Variants in ABCG1 observed in about 807,000 individuals in gnomAD.
ABCG1 encodes the protein ATP binding cassette subfamily G member 1, also known as ATP-binding cassette sub-family G member 1.
In ABCG1, 29 loss-of-function variants were observed where a neutral mutation model predicts 69.2. That is an observed-to-expected ratio of 0.42 (90% CI 0.31 to 0.57). The LOEUF is 0.57. Ranked by LOEUF, ABCG1 falls within the 20% of genes least tolerant of loss-of-function variation. The pLI, the probability that ABCG1 is intolerant of heterozygous loss-of-function variation, is 0.15. For synonymous variants in ABCG1, 370 were observed against 374.8 expected, an observed-to-expected ratio of 0.99 and a Z score of 0.15; for missense variants, 718 against 898.1, an observed-to-expected ratio of 0.80 and a Z score of 2.56.
intron 6 of ABCG1, among the ~76,000 whole-genome samples, chr21:42,283,657 C>A (rs998105682): frequency 7.6e-5 from 11 of 145,326 alleles, no homozygotes; most frequent in Admixed American, 3.0e-4. Flanking sequence ...GAAGTCCCCC[C>A]CCACCCAAAT....
chr21:42,274,286 C>G (rs181761143), intron 4 of ABCG1, among the ~76,000 whole-genome samples: 18 of 152,308 alleles, frequency 1.2e-4, no homozygotes, highest in Middle Eastern at 3.4e-3. Context: ...AGTAAGCCTC[C>G]CCACAGTATC....
At chr21:42,211,567 C>A (rs1334536098), upstream of ABCG1, among the ~76,000 whole-genome samples, 3 of 151,934 alleles carry the variant, frequency 2.0e-5, no homozygotes, top group Non-Finnish European at 4.4e-5. Context: ...ACCTAATACC[C>A]ATAGTGACAG....
chr21:42,259,949 G>T (rs1362889720), intron 2 of ABCG1: 14 of 1,485,392 alleles, frequency 9.4e-6, no homozygotes, highest in Non-Finnish European at 1.3e-5. Context: ...TTGGACGGTG[G>T]TGTTGGCTTG....
At chr21:42,202,371 C>T (rs1030393212) in intron 2 of ABCG1, among the ~76,000 whole-genome samples, 14 of 152,160 alleles carry the variant, frequency 9.2e-5, no homozygotes, top group Middle Eastern at 3.4e-3. Context: ...ATGTATCCAC[C>T]CACTTTTCCT....
chr21:42,248,580 C>T (rs533261015), intron 2 of ABCG1, among the ~76,000 whole-genome samples: 1 of 152,088 alleles, frequency 6.6e-6, no homozygotes, highest in African/African-American at 2.4e-5. Context: ...GACCCAAATG[C>T]TCATTGAAAG....
intron 3 of ABCG1, among the ~76,000 whole-genome samples, chr21:42,272,410 C>T (rs1337288502): frequency 6.6e-6 from 1 of 152,242 alleles, no homozygotes; most frequent in Non-Finnish European, 1.5e-5. Context: ...GCCAGTTGAC[C>T]CCAGCCTGTG....
intron 2 of ABCG1, among the ~76,000 whole-genome samples, chr21:42,250,022 G>T (rs1395003167): frequency 6.6e-6 from 1 of 151,242 alleles, no homozygotes; most frequent in South Asian, 2.1e-4. Context: ...AAAAAAAAGT[G>T]AGAGGGGGAT....
chr21:42,268,230 G>A (rs183829629), intron 2 of ABCG1, among the ~76,000 whole-genome samples: 114 of 152,306 alleles, frequency 7.5e-4, no homozygotes, highest in Middle Eastern at 6.8e-3. Context: ...GAAGTGGGCT[G>A]AGCAGAGCTC....
At chr21:42,280,652 C>T (rs889284461) in intron 5 of ABCG1, among the ~76,000 whole-genome samples, 2 of 152,232 alleles carry the variant, frequency 1.3e-5, no homozygotes, top group African/African-American at 4.8e-5. Context: ...GGGCCCAGCT[C>T]ATGGGCAGGG....
At chr21:42,260,256 C>T in intron 2 of ABCG1, 1 of 1,507,680 alleles carries the variant, frequency 6.6e-7, no homozygotes, top group Non-Finnish European at 8.9e-7. Flanking sequence ...ATTTCTAGGA[C>T]CCAGCTTCCA....
intron 1 of ABCG1, among the ~76,000 whole-genome samples, chr21:42,223,871 C>T (rs2123513732): frequency 6.6e-6 from 1 of 152,332 alleles, no homozygotes; most frequent in East Asian, 1.9e-4. Flanking sequence ...AAGAAAGAAG[C>T]ATCTGTCCCT....
At position 42,288,664 on chromosome 21, in the gene ABCG1, C is replaced by T. The variant is rs2068996142; in HGVS notation, c.1224+352C>T. Among the ~76,000 whole-genome samples the T allele has an allele frequency of 6.6e-6, 1 of 151,680 alleles. No individual in the cohort carries two copies. Among genetic ancestry groups the T allele is most frequent in the Non-Finnish European group, 1.5e-5 (1 of 67,970 alleles). Reference sequence around the variant, plus strand: ...CGGAGATTGCAGTGAGCCGAGATTGCACCACTGCACTCCAGCCTGGGTGAC... The same window carrying T: ...CGGAGATTGCAGTGAGCCGAGATTGTACCACTGCACTCCAGCCTGGGTGAC... On this transcript the variant is annotated intron_variant, in intron 10 of 14. Transcript: ENST00000398449. This position sits in a 1 kb window ranked among gnomAD's most constrained non-coding sequence, Gnocchi z 4.8.
At chr21:42,282,623 C>T (rs1394060306) in intron 6 of ABCG1, among the ~76,000 whole-genome samples, 1 of 152,216 alleles carries the variant, frequency 6.6e-6, no homozygotes, top group African/African-American at 2.4e-5. Flanking sequence ...CTCAGGCCTG[C>T]AAGGCTTGTG....
chr21:42,200,193 G>A lies in ABCG1; in HGVS notation c.-100+344G>A, dbSNP rs563854142. ...GTGCAGGGGAGTCACAAGTTCAGGTGGGCCTGTGGCAGGGCTGCCCATGGC... is the reference window on the plus strand; with the variant it reads ...GTGCAGGGGAGTCACAAGTTCAGGTAGGCCTGTGGCAGGGCTGCCCATGGC... On this transcript the variant is annotated intron_variant, in intron 1 of 15. Coordinates refer to the ABCG1 transcript ENST00000398457. Among the ~76,000 whole-genome samples, 89 of 152,328 alleles carry A rather than the reference G, an allele frequency of 5.8e-4. 1 individual carries two copies. Among genetic ancestry groups the A allele is most frequent in the Non-Finnish European group, 9.8e-4 (67 of 68,026 alleles).
chr21:42,263,699 C>T (rs1360429003), intron 2 of ABCG1, among the ~76,000 whole-genome samples: 5 of 152,194 alleles, frequency 3.3e-5, no homozygotes, highest in South Asian at 2.1e-4. Flanking sequence ...ACAAGACAGA[C>T]GGAGCCAGCA....
At chr21:42,284,840 G>T (rs527562145) in intron 7 of ABCG1, among the ~76,000 whole-genome samples, 157 bp downstream of exon 7, 4 of 147,392 alleles carry the variant, frequency 2.7e-5, no homozygotes, top group African/African-American at 1.1e-4. Flanking sequence ...AGCTCATGGG[G>T]CATCTTCATG....
intron 2 of ABCG1, chr21:42,260,009 G>A (rs1191521482): frequency 2.8e-5 from 41 of 1,487,172 alleles, no homozygotes; most frequent in African/African-American, 4.1e-5. Context: ...CATCCTGCAC[G>A]TGGTCAGTCC....
At chr21:42,295,252 AC>A (rs1428114343) in intron 14 of ABCG1, 2 of 145,462 alleles carry the variant, frequency 1.4e-5, no homozygotes, top group African/African-American at 2.5e-5. Flanking sequence ...GATCCCTTGA[AC>A]CTGGGAGGCA....
intron 4 of ABCG1, among the ~76,000 whole-genome samples, chr21:42,275,770 C>G (rs996319304): frequency 6.6e-6 from 1 of 152,256 alleles, no homozygotes; most frequent in Non-Finnish European, 1.5e-5. Flanking sequence ...TGGAGAAATA[C>G]TCTGAGGCTA....
Sources: allele counts gnomAD v4.1 joint callset (sites outside exome capture counted in the v4.1 genomes callset), GRCh38; gene constraint gnomAD v4.1.1; non-coding constraint Gnocchi (gnomAD v3.1); transcripts MANE v1.5; gene names NCBI Gene and HGNC (gene_info 2026-07-23, HGNC 2026-07-21).